The following NCKAP5 variants were observed in gnomAD, a reference collection of about 807,000 sequenced individuals.
NCKAP5 encodes nck-associated protein 5.
NCKAP5 carries 92 observed loss-of-function variants against 167.0 expected under a neutral mutation model. That is an observed-to-expected ratio of 0.55 (90% CI 0.47 to 0.66). NCKAP5 has a LOEUF of 0.66. NCKAP5 is among the 30% of genes least tolerant of loss of function. NCKAP5 has a pLI of 0.00. For missense variants in NCKAP5, 2,378 were observed against 2,315.0 expected (o/e 1.03, Z -0.56); for synonymous variants, 891 against 877.4 (o/e 1.02, Z -0.27).
chr2:133,197,033 C>G (rs2085466257), intron 5 of NCKAP5, among the ~76,000 whole-genome samples: 1 of 152,040 alleles, frequency 6.6e-6, no homozygotes, highest in African/African-American at 2.4e-5. Context: ...CTGTTTTGTT[C>G]CAGACATAGA....
intron 3 of NCKAP5, among the ~76,000 whole-genome samples, chr2:133,410,499 T>C (rs1300109106): frequency 6.6e-6 from 1 of 152,236 alleles, no homozygotes; most frequent in Non-Finnish European, 1.5e-5. Context: ...TTAATTGTCA[T>C]GTATTGGTTC....
intron 11 of NCKAP5, among the ~76,000 whole-genome samples, chr2:132,855,229 C>G (rs548488063): frequency 6.6e-6 from 1 of 152,160 alleles, no homozygotes; most frequent in Non-Finnish European, 1.5e-5. Context: ...CTTTCCAGTG[C>G]TTAGTGCATG....
At chr2:133,583,686 C>T in the NCKAP5 span, among the ~76,000 whole-genome samples, 1 of 152,112 alleles carries the variant, frequency 6.6e-6, no homozygotes, top group Non-Finnish European at 1.5e-5. Flanking sequence ...TAGAAGCCAA[C>T]TTTTTAGCAC....
At chr2:132,881,636 C>T (rs1236038770) in intron 8 of NCKAP5, among the ~76,000 whole-genome samples, 1 of 149,900 alleles carries the variant, frequency 6.7e-6, no homozygotes, top group Non-Finnish European at 1.5e-5. Flanking sequence ...CTGGAGCTCC[C>T]TCATACATAT....
rs777725721 is a variant in NCKAP5, at chr2:132,819,664, GA to G, written c.808-22936del. 1.8e-4 allele frequency among the ~76,000 whole-genome samples: 27 copies of G among 151,566 alleles called. No individual in the cohort carries two copies. In the South Asian group the frequency reaches 5.4e-3, roughly 30 times the overall value. On this transcript the variant is annotated intron_variant, in intron 11 of 19. Coordinates refer to ENST00000409261, the MANE Select transcript of NCKAP5 (RefSeq NM_207363.3). ...TGCTTCTGAAGAGGCTTTTTCATTAGATTTTTTTTTTTTTGGTTGAAGTCAT... is the reference window on the plus strand; with the variant it reads ...TGCTTCTGAAGAGGCTTTTTCATTAGTTTTTTTTTTTTTGGTTGAAGTCAT...
chr2:133,607,312 T>C, the NCKAP5 span, among the ~76,000 whole-genome samples: 5 of 152,186 alleles, frequency 3.3e-5, no homozygotes, highest in African/African-American at 9.6e-5. Flanking sequence ...CTTCCCAGTC[T>C]ACTGTCAGAC....
intron 5 of NCKAP5, among the ~76,000 whole-genome samples, chr2:133,204,815 T>C (rs2085871280): frequency 1.3e-5 from 2 of 152,220 alleles, no homozygotes; most frequent in Admixed American, 1.3e-4. Context: ...CATGGGGTGC[T>C]AACCCAGTGA....
chr2:133,188,958 G>A (rs1363958796), intron 5 of NCKAP5, among the ~76,000 whole-genome samples: 1 of 152,012 alleles, frequency 6.6e-6, no homozygotes, highest in Non-Finnish European at 1.5e-5. Flanking sequence ...AGGAGATAGA[G>A]ACACAAAAAA....
chr2:132,730,285 G>C (rs1690867089), intron 17 of NCKAP5, among the ~76,000 whole-genome samples: 3 of 152,198 alleles, frequency 2.0e-5, no homozygotes, highest in Non-Finnish European at 4.4e-5. Context: ...CCTGAGGTCA[G>C]GAGTTCAAGA....
chr2:133,536,102 T>C (rs1433900012), intron 2 of NCKAP5, among the ~76,000 whole-genome samples: 4 of 152,112 alleles, frequency 2.6e-5, no homozygotes, highest in African/African-American at 7.2e-5. Flanking sequence ...GTTTATTCTA[T>C]TGTTTATTTC....
the NCKAP5 span, among the ~76,000 whole-genome samples, chr2:133,633,870 C>T: frequency 6.6e-6 from 1 of 152,174 alleles, no homozygotes; most frequent in South Asian, 2.1e-4. Context: ...ATCCATCTTA[C>T]CCCAAATCAC....
At chr2:132,876,008 T>C (rs1691236712) in intron 9 of NCKAP5, among the ~76,000 whole-genome samples, 1 of 152,170 alleles carries the variant, frequency 6.6e-6, no homozygotes, top group Non-Finnish European at 1.5e-5. Context: ...ACACAGATTC[T>C]CAAGTGTTTT....
intron 4 of NCKAP5, among the ~76,000 whole-genome samples, chr2:133,221,307 A>C (rs1160207648): frequency 6.6e-6 from 1 of 152,188 alleles, no homozygotes; most frequent in Non-Finnish European, 1.5e-5. Context: ...ACAAAACTCT[A>C]GGTTCATGTT....
At chr2:133,364,046 A>C (rs1223014309) in intron 3 of NCKAP5, among the ~76,000 whole-genome samples, 1 of 152,168 alleles carries the variant, frequency 6.6e-6, no homozygotes, top group East Asian at 1.9e-4. Flanking sequence ...TTACCTCATG[A>C]AGTAGGTGTT....
chr2:133,204,238 T>C (rs893888511), intron 5 of NCKAP5, among the ~76,000 whole-genome samples: 2 of 152,220 alleles, frequency 1.3e-5, no homozygotes, highest in African/African-American at 4.8e-5. Flanking sequence ...TTCTATCAGA[T>C]TGATACTGAT....
chr2:133,027,237 A>G (rs1179205356), intron 6 of NCKAP5, among the ~76,000 whole-genome samples: 2 of 152,138 alleles, frequency 1.3e-5, no homozygotes, highest in Non-Finnish European at 2.9e-5. Flanking sequence ...GTTCATACAC[A>G]TCACCCCAGC....
intron 18 of NCKAP5, 73 bp downstream of exon 18, chr2:132,728,743 T>G: frequency 1.9e-6 from 3 of 1,553,116 alleles, no homozygotes; most frequent in Non-Finnish European, 2.6e-6. Context: ...ATCATAAAAG[T>G]GTTTTTAGGG....
intron 3 of NCKAP5, among the ~76,000 whole-genome samples, chr2:133,393,821 G>T (rs1559448093): frequency 6.6e-6 from 1 of 152,200 alleles, no homozygotes; most frequent in Non-Finnish European, 1.5e-5. Context: ...GGTGCCATAT[G>T]TATTAGGAAG....
chr2:133,559,778 T>C lies in NCKAP5; in HGVS notation c.-129-661A>G, dbSNP rs190751213. 8.5e-5 allele frequency among the ~76,000 whole-genome samples: 13 copies of C among 152,334 alleles called. No homozygotes were observed. In the South Asian group the frequency reaches 1.2e-3, roughly 15 times the overall value. ...AGCTGTAGTTATAAGCCTTCCATTA[T>C]ACTGTCTGCATTAATTGACTCCAAA... On this transcript the variant is annotated intron_variant, in intron 1 of 19. Coordinates refer to ENST00000409261, the MANE Select transcript of NCKAP5 (RefSeq NM_207363.3).
Sources: gnomAD v4.1 joint callset for allele counts (sites outside exome capture counted in the v4.1 genomes callset) on GRCh38, gnomAD v4.1.1 for gene constraint, MANE v1.5 for transcripts, NCBI Gene and HGNC (gene_info 2026-07-23, HGNC 2026-07-21) for gene names.